The following HNF4A variants were observed in gnomAD, a reference collection of about 807,000 sequenced individuals.
HNF4A encodes the protein hepatocyte nuclear factor 4-alpha.
In HNF4A, 15 loss-of-function variants were observed where a neutral mutation model predicts 52.4. That is an observed-to-expected ratio of 0.29 (90% CI 0.19 to 0.44). The LOEUF is 0.44. Among genes scored for constraint, HNF4A ranks in the 20% least tolerant of loss-of-function variants. HNF4A has a pLI of 1.00. For synonymous variants in HNF4A, 280 were observed against 264.4 expected (o/e 1.06, Z -0.57); for missense variants, 479 against 647.2 (o/e 0.74, Z 2.82).
chr20:44,389,520 AC>A (rs2063276072), intron 1 of HNF4A: 1 of 152,116 alleles, frequency 6.6e-6, no homozygotes, highest in Non-Finnish European at 1.5e-5. Flanking sequence ...GCTCATCTGC[AC>A]CCCTCTGAGG....
chr20:44,401,135 C>T (rs1306790228), upstream of HNF4A: 1 of 1,310,302 alleles, frequency 7.6e-7, no homozygotes, highest in Non-Finnish European at 1.0e-6. Flanking sequence ...TCCCTGCAGC[C>T]CCGCCCAGCC....
intron 5 of HNF4A, among the ~76,000 whole-genome samples, chr20:44,415,870 G>A (rs1231676131): frequency 1.3e-5 from 2 of 152,102 alleles, no homozygotes; most frequent in African/African-American, 4.8e-5. Context: ...GACAGGGCAA[G>A]GATCTTGGAC....
At chr20:44,392,991 T>C (rs1463449810) in intron 1 of HNF4A, among the ~76,000 whole-genome samples, 1 of 152,244 alleles carries the variant, frequency 6.6e-6, no homozygotes, top group African/African-American at 2.4e-5. Flanking sequence ...GCAGTAACTC[T>C]GATCTGAGCC....
chr20:44,356,902 G>A (rs531257678), intron 1 of HNF4A, among the ~76,000 whole-genome samples: 13 of 152,302 alleles, frequency 8.5e-5, no homozygotes, highest in African/African-American at 3.1e-4. Context: ...TTGTGACTCT[G>A]TCACACGGCT....
intron 8 of HNF4A, among the ~76,000 whole-genome samples, chr20:44,424,965 G>A (rs1271481973): frequency 6.6e-6 from 1 of 152,110 alleles, no homozygotes; most frequent in East Asian, 1.9e-4. Context: ...CTATTGTAAG[G>A]AGAGTGAAAA....
At chr20:44,358,384 C>T (rs2062881725) in intron 1 of HNF4A, among the ~76,000 whole-genome samples, 1 of 151,830 alleles carries the variant, frequency 6.6e-6, no homozygotes, top group Admixed American at 6.6e-5. Context: ...CTGAGGCGGG[C>T]AGATAACTTG....
intron 1 of HNF4A, among the ~76,000 whole-genome samples, chr20:44,405,003 GGT>G (rs879083882): frequency 6.9e-5 from 1 of 14,594 alleles, no homozygotes; most frequent in African/African-American, 2.6e-4. Context: ...GCTTGTGTGT[GGT>G]GTGTGCGTGT....
At chr20:44,371,329 A>G (rs1026261132) in intron 1 of HNF4A, among the ~76,000 whole-genome samples, 3 of 152,138 alleles carry the variant, frequency 2.0e-5, no homozygotes, top group Non-Finnish European at 2.9e-5. Context: ...CGAGGCTGGA[A>G]TGCAATGGTT....
At position 44,401,380 on chromosome 20, in the gene HNF4A, T is replaced by C. The variant is rs1198255545; in HGVS notation, c.8T>C (p.Leu3Pro). 2 of 1,613,966 alleles carry C rather than the reference T, an allele frequency of 1.2e-6. No individual in the cohort carries two copies. The highest frequency in any genetic ancestry group is 1.7e-6 in the Non-Finnish European group (2 of 1,180,026). ...GGCGTGGAGGCAGGGAGAATGCGAC[T>C]CTCCAAAACCCTCGTCGACATGGAC... is the stretch of plus-strand genomic sequence containing the variant. Residue 3 changes from leucine to proline, a missense_variant, in exon 1 of 10, where the codon CTC (leucine) becomes CCC (proline). Coordinates refer to ENST00000316099, the MANE Select transcript of HNF4A (RefSeq NM_000457.6).
In HNF4A at chr20:44,361,306, T is replaced by C. The variant is rs537048819; in HGVS notation, c.49+5453T>C. 3.9e-5 allele frequency among the ~76,000 whole-genome samples: 6 copies of C among 152,284 alleles called. No homozygotes were observed. The South Asian group carries it at 1.0e-3, about 26-fold the overall frequency. ...GTGTGACTTAGGGTATGCAGTTCAG[T>C]TGAGGTATGGAAACCATTGCCTTAC... On this transcript the variant is annotated intron_variant, in intron 1 of 9. Transcript: ENST00000316673.
upstream of HNF4A, among the ~76,000 whole-genome samples, chr20:44,399,853 C>T (rs933123474): frequency 6.6e-6 from 1 of 152,184 alleles, no homozygotes; most frequent in African/African-American, 2.4e-5. Flanking sequence ...TTGGTGCTCC[C>T]ACTAATTCGC....
chr20:44,364,039 C>T (rs550288218), intron 1 of HNF4A, among the ~76,000 whole-genome samples: 1 of 152,102 alleles, frequency 6.6e-6, no homozygotes, highest in Non-Finnish European at 1.5e-5. Flanking sequence ...CTGGCTCAGC[C>T]ATTGTCACAC....
Position 44,413,771 on chromosome 20 carries a change from CTCCTGCAGGCGGAGG to C in HNF4A, c.469_483del (p.Gln157_Leu161del). The C allele has an allele frequency of 6.2e-7, 1 of 1,613,620 alleles. No individual in the cohort carries two copies. The highest frequency in any genetic ancestry group is 8.5e-7 in the Non-Finnish European group (1 of 1,179,714). ...CAGCAGCCTGCCCTCCATCAATGCG[CTCCTGCAGGCGGAGG>C]TCCTGTCCCGACAGGTACCGGGGTG... On this transcript the variant is annotated inframe_deletion, in exon 4 of 10. Coordinates refer to ENST00000316099, the MANE Select transcript of HNF4A (RefSeq NM_000457.6).
chr20:44,384,121 G>C (rs2063189709), intron 1 of HNF4A, among the ~76,000 whole-genome samples: 1 of 149,714 alleles, frequency 6.7e-6, no homozygotes, highest in Admixed American at 6.6e-5. Flanking sequence ...AAATTCCTGG[G>C]ATTACAGGTG....
At chr20:44,419,614 C>T (rs1453303135) in intron 6 of HNF4A, 107 bp from the exon 7 acceptor site, 1 of 1,010,044 alleles carries the variant, frequency 9.9e-7, no homozygotes, top group Non-Finnish European at 1.6e-6. Context: ...CCCTGCAGGT[C>T]CTCCTCCCAC....
chr20:44,390,445 G>A (rs1395707906), intron 1 of HNF4A: 3 of 562,502 alleles, frequency 5.3e-6, no homozygotes, highest in African/African-American at 1.9e-5. Flanking sequence ...TTCCTTGCAT[G>A]GATCCTGGAC....
At position 44,419,788 on chromosome 20, in the gene HNF4A, C is replaced by T; in HGVS notation, c.804C>T (p.Ile268=). 6.2e-7 allele frequency: 1 copy of T among 1,613,602 alleles called. No homozygotes were observed. The highest frequency in any genetic ancestry group is 2.2e-5 in the East Asian group (1 of 44,856). Residue 268 remains isoleucine, a synonymous_variant, in exon 7 of 10, where the codon ATC becomes ATT. Coordinates refer to ENST00000316099, the MANE Select transcript of HNF4A (RefSeq NM_000457.6). ...AGATGAGCCGGGTGTCCATACGCAT[C>T]CTTGACGAGCTGGTGCTGCCCTTCC...
intron 3 of HNF4A, among the ~76,000 whole-genome samples, chr20:44,409,414 G>A (rs2063549544): frequency 6.6e-6 from 1 of 152,212 alleles, no homozygotes; most frequent in Non-Finnish European, 1.5e-5. Context: ...GGTTGTATTA[G>A]TCAGTGATTC....
intron 5 of HNF4A, among the ~76,000 whole-genome samples, chr20:44,415,092 C>T (rs571473580): frequency 6.6e-5 from 10 of 152,286 alleles, no homozygotes; most frequent in Admixed American, 3.9e-4. Flanking sequence ...TAAGCTATGG[C>T]TCTAAGACTG....
Sources: gnomAD v4.1 joint callset for allele counts (sites outside exome capture counted in the v4.1 genomes callset) on GRCh38, gnomAD v4.1.1 for gene constraint, MANE v1.5 for transcripts, NCBI Gene and HGNC (gene_info 2026-07-23, HGNC 2026-07-21) for gene names.